The following NFIA variants were observed in gnomAD, a reference collection of about 807,000 sequenced individuals.
NFIA encodes nuclear factor 1 A-type.
In NFIA, 8 loss-of-function variants were observed where a neutral mutation model predicts 62.8. The observed-to-expected ratio is 0.13, with a 90% CI of 0.07 to 0.23. The LOEUF (loss-of-function observed/expected upper bound fraction) is 0.23. Among genes scored for constraint, NFIA ranks in the 10% least tolerant of loss-of-function variants. The pLI, the probability that NFIA is intolerant of heterozygous loss-of-function variation, is 1.00. For synonymous variants in NFIA, 235 were observed against 238.1 expected (o/e 0.99, Z 0.12); for missense variants, 410 against 642.1 (o/e 0.64, Z 3.91).
At chr1:61,181,998 A>G (rs1342431128) in intron 2 of NFIA, among the ~76,000 whole-genome samples, 2 of 152,224 alleles carry the variant, frequency 1.3e-5, no homozygotes, top group East Asian at 1.9e-4. Flanking sequence ...TGGGAAAATT[A>G]TTGCTTTGTC....
intron 2 of NFIA, among the ~76,000 whole-genome samples, chr1:61,203,194 G>A (rs537491981): frequency 1.3e-4 from 20 of 152,196 alleles, no homozygotes; most frequent in African/African-American, 4.6e-4. Flanking sequence ...TTTTCTCCAT[G>A]AGCCACATGT....
intron 2 of NFIA, among the ~76,000 whole-genome samples, chr1:61,223,174 T>G (rs538676907): frequency 1.9e-3 from 291 of 152,194 alleles, no homozygotes; most frequent in South Asian, 8.5e-3. Context: ...AAAATTAAAT[T>G]GAATAAAATT....
At chr1:61,381,203 T>C (rs1664394715) in intron 6 of NFIA, among the ~76,000 whole-genome samples, 1 of 152,218 alleles carries the variant, frequency 6.6e-6, no homozygotes, top group Non-Finnish European at 1.5e-5. Context: ...GGACTAAATT[T>C]AAATCAGTGG....
At chr1:61,408,733 G>T (rs1043436608) in intron 9 of NFIA, among the ~76,000 whole-genome samples, 2 of 152,144 alleles carry the variant, frequency 1.3e-5, no homozygotes, top group Non-Finnish European at 2.9e-5. Flanking sequence ...AAAGGATGGG[G>T]GCTCAAATGC....
chr1:61,279,773 A>G (rs537922028), intron 3 of NFIA, among the ~76,000 whole-genome samples: 47 of 152,286 alleles, frequency 3.1e-4, no homozygotes, highest in Non-Finnish European at 4.7e-4. Context: ...GAGGCCTGGC[A>G]TGCCTTTCTG....
chr1:61,353,331 T>C (rs1157918009), intron 5 of NFIA, among the ~76,000 whole-genome samples: 1 of 152,174 alleles, frequency 6.6e-6, no homozygotes, highest in East Asian at 1.9e-4. Context: ...ATAATGATTC[T>C]GGGGTTCTTG....
chr1:61,085,055 G>A (rs533074188), intron 1 of NFIA, among the ~76,000 whole-genome samples: 1 of 151,904 alleles, frequency 6.6e-6, no homozygotes, highest in African/African-American at 2.4e-5. Flanking sequence ...TTAACTTGCT[G>A]GGATATTTAT....
chr1:61,235,508 A>AAAT (rs1320349997), intron 2 of NFIA, among the ~76,000 whole-genome samples: 1 of 143,974 alleles, frequency 6.9e-6, no homozygotes, highest in Non-Finnish European at 1.5e-5. Context: ...ATAAATAAAA[A>AAAT]TAAAAAATAA....
chr1:61,129,228 T>C (rs567527213), intron 2 of NFIA, among the ~76,000 whole-genome samples: 1 of 151,578 alleles, frequency 6.6e-6, no homozygotes, highest in Admixed American at 6.6e-5. Flanking sequence ...GGCCTACTTA[T>C]GTGTTTTAGA....
intron 3 of NFIA, among the ~76,000 whole-genome samples, chr1:61,308,465 C>G (rs1433637596): frequency 2.0e-5 from 3 of 152,194 alleles, no homozygotes; most frequent in Non-Finnish European, 2.9e-5. Flanking sequence ...ACTTCCCTCT[C>G]AGGTGTGTAT....
chr1:61,095,714 G>T (rs1646399687), intron 2 of NFIA, among the ~76,000 whole-genome samples: 1 of 152,018 alleles, frequency 6.6e-6, no homozygotes, highest in Non-Finnish European at 1.5e-5. Flanking sequence ...TTATAATGTT[G>T]AAATTTAGTG....
At position 61,082,855 on chromosome 1, in the gene NFIA, G is replaced by A. The variant is rs1469096740; in HGVS notation, c.27+37G>A. 3.2e-6 allele frequency: 5 copies of A among 1,543,988 alleles called. No homozygotes were observed. In the East Asian group the frequency reaches 1.0e-4, roughly 31 times the overall value. ...CGTGGATGCGGAGGGCTTGGGGGCCGGGGCGCCGGGGGCAGGGCTGGGGCT... is the reference window on the plus strand; with the variant it reads ...CGTGGATGCGGAGGGCTTGGGGGCCAGGGCGCCGGGGGCAGGGCTGGGGCT... On this transcript the variant is annotated intron_variant, in intron 1 of 10. Transcript: ENST00000403491.
intron 2 of NFIA, among the ~76,000 whole-genome samples, chr1:61,225,653 G>T (rs1418727314): frequency 1.3e-5 from 2 of 149,774 alleles, no homozygotes; most frequent in African/African-American, 4.9e-5. Context: ...TCGTATCTAC[G>T]ATTGACATCT....
chr1:61,149,045 TTTTC>T (rs1188508681), intron 2 of NFIA, among the ~76,000 whole-genome samples: 8 of 117,650 alleles, frequency 6.8e-5, no homozygotes, highest in African/African-American at 2.5e-4. Flanking sequence ...TTTCTTTTCT[TTTTC>T]TTTCTTTCTT....
At position 61,379,402 on chromosome 1, in the gene NFIA, CTTTTTT is replaced by C. The variant is rs60735193; in HGVS notation, c.947-3816_947-3811del. Among the ~76,000 whole-genome samples, 874 of 98,238 alleles carry C rather than the reference CTTTTTT, an allele frequency of 8.9e-3. 11 individuals are homozygous for C. The highest frequency in any genetic ancestry group is 0.05 in the East Asian group (145 of 2,924). 64.4% of individuals were successfully genotyped at this position (98,238 alleles called of 152,430 possible). ...CACACTCAGCTAACTTTTTCTTTTT[CTTTTTT>C]TTTTTTTTTTTTTTTTTTGAGATGG... On this transcript the variant is annotated intron_variant, in intron 6 of 10. Transcript: ENST00000403491.
At chr1:61,387,262 T>C (rs1664740486) in intron 7 of NFIA, among the ~76,000 whole-genome samples, 1 of 152,152 alleles carries the variant, frequency 6.6e-6, no homozygotes, top group East Asian at 1.9e-4. Context: ...GAGATTATCA[T>C]CTCTAACTCA....
chr1:61,218,740 T>C (rs2100613898), intron 2 of NFIA, among the ~76,000 whole-genome samples: 1 of 152,334 alleles, frequency 6.6e-6, no homozygotes, highest in East Asian at 1.9e-4. Context: ...TAGTATTTCA[T>C]GTTATTGATG....
intron 2 of NFIA, among the ~76,000 whole-genome samples, chr1:61,146,573 C>T (rs945322509): frequency 6.6e-6 from 1 of 152,150 alleles, no homozygotes; most frequent in African/African-American, 2.4e-5. Context: ...GCTCAAAAAC[C>T]CCTCCTCCAA....
At chr1:61,370,821 A>G (rs1373391452) in intron 6 of NFIA, among the ~76,000 whole-genome samples, 1 of 152,178 alleles carries the variant, frequency 6.6e-6, no homozygotes, top group Non-Finnish European at 1.5e-5. Flanking sequence ...ATTTTGAAGA[A>G]ACATTCCAGT....
Sources: allele counts gnomAD v4.1 joint callset (sites outside exome capture counted in the v4.1 genomes callset), GRCh38; gene constraint gnomAD v4.1.1; transcripts MANE v1.5; gene names NCBI Gene and HGNC (gene_info 2026-07-23, HGNC 2026-07-21).